RANBP17: variants seen among roughly 807,000 people sequenced by gnomAD.
RANBP17 encodes the protein RAN binding protein 17.
RANBP17 carries 158 observed loss-of-function variants against 141.2 expected under a neutral mutation model. That is an observed-to-expected ratio of 1.12 (90% CI 0.98 to 1.28). RANBP17 has a LOEUF of 1.28. Among genes scored for constraint, RANBP17 ranks in the 50% most tolerant of loss-of-function variants. The pLI is 0.00. For synonymous variants in RANBP17, 430 were observed against 450.0 expected, an observed-to-expected ratio of 0.96 and a Z score of 0.56; for missense variants, 1,438 against 1,290.7, an observed-to-expected ratio of 1.11 and a Z score of -1.75.
At chr5:171,003,684 A>T (rs1779380467) in intron 14 of RANBP17, among the ~76,000 whole-genome samples, 1 of 152,100 alleles carries the variant, frequency 6.6e-6, no homozygotes, top group Non-Finnish European at 1.5e-5. Context: ...GAATAAGGTG[A>T]GAAGTGGAGG....
chr5:171,062,952 C>T (rs945045290), intron 14 of RANBP17, among the ~76,000 whole-genome samples: 53 of 150,316 alleles, frequency 3.5e-4, no homozygotes, highest in African/African-American at 1.1e-3. Context: ...TTGATCGCAT[C>T]GGCTCCTGAG....
rs13188548 is a variant in RANBP17, at chr5:171,185,170, C to T, written c.2038+1740C>T. 4.5e-3 allele frequency among the ~76,000 whole-genome samples: 687 copies of T among 152,264 alleles called. 10 individuals are homozygous for T. The highest frequency in any genetic ancestry group is 0.044 in the South Asian group (212 of 4,816). On this transcript the variant is annotated intron_variant, in intron 18 of 27. Coordinates refer to ENST00000523189, the MANE Select transcript of RANBP17 (RefSeq NM_022897.5). The stretch of plus-strand genomic sequence containing the variant: ...AAGAACAGAACTCCATCTCAAAAAA[C>T]AATAAAAATAAATAAAATATTTTAT...
intron 14 of RANBP17, among the ~76,000 whole-genome samples, chr5:171,083,100 T>C (rs1473692550): frequency 2.6e-5 from 4 of 152,202 alleles, no homozygotes; most frequent in Admixed American, 2.6e-4. Flanking sequence ...CTTTTAATCT[T>C]CTTGGTAAAT....
intron 20 of RANBP17, among the ~76,000 whole-genome samples, chr5:171,209,053 TA>T (rs1762731799): frequency 6.6e-6 from 1 of 152,086 alleles, no homozygotes; most frequent in African/African-American, 2.4e-5. Flanking sequence ...TAATCAAATA[TA>T]GAAAGTGCTA....
At chr5:170,900,440 T>C (rs1372681047) in intron 5 of RANBP17, among the ~76,000 whole-genome samples, 1 of 152,166 alleles carries the variant, frequency 6.6e-6, no homozygotes, top group Non-Finnish European at 1.5e-5. Flanking sequence ...TCTATCTGTT[T>C]TGTTAATCTT....
intron 23 of RANBP17, among the ~76,000 whole-genome samples, 158 bp from the exon 24 acceptor site, chr5:171,242,524 T>C (rs948605242): frequency 6.6e-6 from 1 of 152,234 alleles, no homozygotes. Context: ...CTTTAAATGC[T>C]GGATTGGGAC....
At chr5:171,019,290 G>A (rs1215912601) in intron 14 of RANBP17, among the ~76,000 whole-genome samples, 2 of 152,162 alleles carry the variant, frequency 1.3e-5, no homozygotes, top group African/African-American at 4.8e-5. Flanking sequence ...TTAGGAAGGA[G>A]TCCCTCCTTT....
Position 170,909,733 on chromosome 5 carries a change from G to C in RANBP17, c.562G>C (p.Val188Leu), listed in dbSNP as rs374800221. 1.9e-6 allele frequency: 3 copies of C among 1,586,432 alleles called. No individual in the cohort carries two copies. The highest frequency in any genetic ancestry group is 2.6e-6 in the Non-Finnish European group (3 of 1,156,942). The change falls in exon 6 of 28, where the codon GTT becomes CTT. Residue 188 changes from valine (V) to leucine (L), a missense_variant. Physicochemically the swap from Val to Leu is conservative, Grantham distance 32. Transcript: ENST00000523189. ...TSFRDTSLKD[V>L]LVLACSLLKE... ...ATTTCGTGATACTTCTCTCAAAGAC[G>C]TTTTAGTGCTAGCATGCTCTCTTTT...
intron 14 of RANBP17, among the ~76,000 whole-genome samples, chr5:171,005,044 C>T (rs1779493268): frequency 6.6e-6 from 1 of 152,046 alleles, no homozygotes; most frequent in African/African-American, 2.4e-5. Flanking sequence ...TGATTAATTC[C>T]TATTGTGGGG....
intron 22 of RANBP17, among the ~76,000 whole-genome samples, chr5:171,224,245 A>G (rs1465258731): frequency 6.6e-6 from 1 of 152,372 alleles, no homozygotes; most frequent in South Asian, 2.1e-4. Flanking sequence ...TTTAAAGGAA[A>G]TAAACAGCAT....
chr5:171,270,214 T>G (rs1333718094), intron 25 of RANBP17, among the ~76,000 whole-genome samples: 2 of 152,232 alleles, frequency 1.3e-5, no homozygotes, highest in Non-Finnish European at 2.9e-5. Context: ...CTTTAGAGCT[T>G]CAAAATTTTT....
chr5:171,117,090 A>G (rs1005536826), intron 14 of RANBP17, among the ~76,000 whole-genome samples: 2 of 152,150 alleles, frequency 1.3e-5, no homozygotes, highest in African/African-American at 4.8e-5. Context: ...CTGATTCCAT[A>G]TCTTGGCTAT....
At chr5:171,126,270 C>T (rs945385883) in intron 14 of RANBP17, among the ~76,000 whole-genome samples, 8 of 151,976 alleles carry the variant, frequency 5.3e-5, no homozygotes, top group Admixed American at 2.6e-4. Flanking sequence ...ACTCTTGAGA[C>T]GAGTGAAAAT....
At chr5:170,862,325 C>T (rs369913981) in intron 1 of RANBP17, among the ~76,000 whole-genome samples, 1 of 152,154 alleles carries the variant, frequency 6.6e-6, no homozygotes. Context: ...CAGGGCTCGT[C>T]CCGGGGAAGG....
intron 14 of RANBP17, among the ~76,000 whole-genome samples, chr5:171,038,477 G>A (rs982125519): frequency 5.9e-5 from 9 of 151,998 alleles, no homozygotes; most frequent in Non-Finnish European, 1.2e-4. Context: ...AGGGCTTCCA[G>A]TACTATGTTG....
At chr5:170,923,843 T>C (rs1233337634) in intron 11 of RANBP17, among the ~76,000 whole-genome samples, 1 of 152,210 alleles carries the variant, frequency 6.6e-6, no homozygotes, top group Non-Finnish European at 1.5e-5. Context: ...TGACCTCGTA[T>C]GCTATGACCT....
chr5:171,107,347 C>A (rs1754919801), intron 14 of RANBP17, among the ~76,000 whole-genome samples: 1 of 152,146 alleles, frequency 6.6e-6, no homozygotes, highest in East Asian at 1.9e-4. Context: ...GATCTTAGTC[C>A]CTACGACTCT....
intron 1 of RANBP17, among the ~76,000 whole-genome samples, chr5:170,863,244 G>C (rs10064208): frequency 0.66 from 100,851 of 152,008 alleles, 33,596 homozygotes; most frequent in South Asian, 0.82. Context: ...GCAGAAAGTT[G>C]AGTCTGGTTG....
rs1768993374 is a variant in RANBP17 at position 171,298,988 on chromosome 5, C to G, written c.*130C>G. 1.7e-6 allele frequency: 1 copy of G among 600,482 alleles called. No homozygotes were observed. The allele number at this position is 600,482 out of a possible 1,614,324, so 37.2% of individuals were successfully genotyped here. Reference sequence around the variant, plus strand: ...AAACATACAAGCAACAGCAAAAGCCCTAACTTCTTATACGTCTAGCCTAAT... The same window carrying G: ...AAACATACAAGCAACAGCAAAAGCCGTAACTTCTTATACGTCTAGCCTAAT... On this transcript the variant is annotated 3_prime_UTR_variant, in exon 28 of 28. Transcript: ENST00000523189.
Sources: allele counts gnomAD v4.1 joint callset (sites outside exome capture counted in the v4.1 genomes callset), GRCh38; gene constraint gnomAD v4.1.1; transcripts MANE v1.5; gene names NCBI Gene and HGNC (gene_info 2026-07-23, HGNC 2026-07-21).